The following VWA3B variants were observed in gnomAD, a reference collection of about 807,000 sequenced individuals.
The protein encoded by VWA3B is von Willebrand factor A domain-containing protein 3B.
VWA3B carries 138 observed loss-of-function variants against 158.3 expected under a neutral mutation model. That is an observed-to-expected ratio of 0.87 (90% confidence interval 0.76 to 1.00). The LOEUF (loss-of-function observed/expected upper bound fraction) is 1.00. Ranked by LOEUF, VWA3B falls within the 50% of genes least tolerant of loss-of-function variation. VWA3B has a pLI of 0.00. For synonymous variants in VWA3B, 596 were observed against 587.3 expected (o/e 1.01, Z -0.21); for missense variants, 1,555 against 1,565.1 (o/e 0.99, Z 0.11).
chr2:98,165,275 C>T (rs141193707), intron 8 of VWA3B, among the ~76,000 whole-genome samples: 8 of 152,326 alleles, frequency 5.3e-5, no homozygotes, highest in East Asian at 1.9e-4. Flanking sequence ...GTATTATCTC[C>T]GTTTTGGCTT....
chr2:98,301,242 A>G (rs955978844), intron 25 of VWA3B, among the ~76,000 whole-genome samples: 1 of 151,368 alleles, frequency 6.6e-6, no homozygotes, highest in African/African-American at 2.4e-5. Context: ...GTGAGCCGAG[A>G]TCACACCACT....
downstream of VWA3B, among the ~76,000 whole-genome samples, chr2:98,313,496 A>G (rs1165350478): frequency 6.6e-6 from 1 of 152,196 alleles, no homozygotes; most frequent in Non-Finnish European, 1.5e-5. Context: ...GAAGGAAGGA[A>G]GGGTATGAGG....
At position 98,270,771 on chromosome 2, in the gene VWA3B, A is replaced by C. The variant is rs1688150672; in HGVS notation, c.2933A>C (p.Lys978Thr). 1.9e-6 allele frequency: 3 copies of C among 1,614,188 alleles called. No homozygotes were observed. In the Admixed American group the frequency reaches 5.0e-5, roughly 27 times the overall value. The change falls in exon 22 of 28, where the codon AAA becomes ACA. Residue 978 changes from lysine to threonine, a missense_variant. Lys to Thr is a moderately conservative substitution (Grantham distance 78). Coordinates refer to ENST00000477737, the MANE Select transcript of VWA3B (RefSeq NM_144992.5). ...CGGTTGAATTGGCCCATTTCACTGA[A>C]AGAGCTGTCGATGCTGGAAAGTGAA... ...LERLNWPISL[K>T]ELSMLESEIL...
At chr2:98,261,796 G>A (rs1272923908) in intron 21 of VWA3B, among the ~76,000 whole-genome samples, 2 of 151,518 alleles carry the variant, frequency 1.3e-5, no homozygotes, top group Non-Finnish European at 3.0e-5. Context: ...CCTTATTTAT[G>A]ACAAGTCACT....
chr2:98,253,228 T>C (rs1207006857), intron 20 of VWA3B, among the ~76,000 whole-genome samples: 1 of 152,078 alleles, frequency 6.6e-6, no homozygotes, highest in East Asian at 1.9e-4. Flanking sequence ...ACCACCCCCA[T>C]CCCCTATATA....
the VWA3B span, among the ~76,000 whole-genome samples, chr2:98,330,454 G>A: frequency 6.6e-6 from 1 of 152,142 alleles, no homozygotes; most frequent in African/African-American, 2.4e-5. Flanking sequence ...CTGTTTTGCT[G>A]TGACTGAGAT....
chr2:98,228,070 C>A, intron 14 of VWA3B, 132 bp from the exon 15 acceptor site: 1 of 1,007,768 alleles, frequency 9.9e-7, no homozygotes, highest in Non-Finnish European at 1.4e-6. Context: ...GAGAGGATCA[C>A]TTGAGCCCAG....
At position 98,256,785 on chromosome 2, in the gene VWA3B, A is replaced by G. The variant is rs533041603; in HGVS notation, c.2843+611A>G. Among the ~76,000 whole-genome samples, 5 of 152,216 alleles carry G rather than the reference A, an allele frequency of 3.3e-5. No homozygotes were observed. In the East Asian group the frequency reaches 9.6e-4, roughly 29 times the overall value. The stretch of plus-strand genomic sequence containing the variant: ...ACCAAACTGTTTTTCCACAGTGGCT[A>G]TGCCATTTTTAGAACATATCTATTT... On this transcript the variant is annotated intron_variant, in intron 21 of 27. Coordinates refer to ENST00000477737, the MANE Select transcript of VWA3B (RefSeq NM_144992.5).
intron 7 of VWA3B, among the ~76,000 whole-genome samples, chr2:98,135,383 T>C (rs1011165826): frequency 6.4e-5 from 8 of 125,558 alleles, no homozygotes; most frequent in African/African-American, 2.5e-4. Context: ...TCGCCCAGGC[T>C]GGAGTGCAGT....
chr2:98,157,501 C>G (rs1678185419), intron 7 of VWA3B, among the ~76,000 whole-genome samples: 1 of 152,050 alleles, frequency 6.6e-6, no homozygotes, highest in Non-Finnish European at 1.5e-5. Flanking sequence ...GCTTTCATTC[C>G]CTTTATGGAT....
At chr2:98,288,894 A>G (rs1689326027) in intron 22 of VWA3B, among the ~76,000 whole-genome samples, 1 of 152,004 alleles carries the variant, frequency 6.6e-6, no homozygotes, top group Non-Finnish European at 1.5e-5. Flanking sequence ...TTTCATTCCA[A>G]CCTTTCAAGA....
chr2:98,132,940 C>T (rs970356209), intron 6 of VWA3B, among the ~76,000 whole-genome samples: 5 of 152,182 alleles, frequency 3.3e-5, no homozygotes, highest in African/African-American at 9.7e-5. Context: ...CCATCCTGAG[C>T]GGTGCTTGGG....
intron 7 of VWA3B, among the ~76,000 whole-genome samples, chr2:98,155,010 A>T (rs1388414308): frequency 6.6e-6 from 1 of 152,230 alleles, no homozygotes; most frequent in African/African-American, 2.4e-5. Context: ...GAGTGGTTAC[A>T]AAAACAGATA....
chr2:98,265,509 T>A (rs1687758440), intron 21 of VWA3B, among the ~76,000 whole-genome samples: 1 of 152,094 alleles, frequency 6.6e-6, no homozygotes, highest in Admixed American at 6.5e-5. Context: ...AACATACGTG[T>A]GCGTGTGTCT....
At chr2:98,157,186 A>G (rs1702188541) in intron 7 of VWA3B, among the ~76,000 whole-genome samples, 1 of 152,216 alleles carries the variant, frequency 6.6e-6, no homozygotes, top group African/African-American at 2.4e-5. Context: ...CATTCTTCAT[A>G]TTGAAATTGC....
intron 22 of VWA3B, among the ~76,000 whole-genome samples, chr2:98,280,536 T>C (rs889850424): frequency 1.3e-5 from 2 of 152,210 alleles, no homozygotes; most frequent in Non-Finnish European, 2.9e-5. Context: ...TGGAAGTGTT[T>C]CTTGTGCCTC....
At chr2:98,159,861 A>G (rs1678417989) in intron 7 of VWA3B, among the ~76,000 whole-genome samples, 1 of 151,916 alleles carries the variant, frequency 6.6e-6, no homozygotes, top group South Asian at 2.1e-4. Flanking sequence ...CTACTAAAAA[A>G]ATACAAAAAT....
chr2:98,224,772 C>T (rs1389662410), intron 14 of VWA3B, among the ~76,000 whole-genome samples: 2 of 145,812 alleles, frequency 1.4e-5, no homozygotes, highest in Non-Finnish European at 3.0e-5. Context: ...AAAAAGAACA[C>T]AACCAAACTA....
Position 98,181,098 on chromosome 2 carries a change from G to C in VWA3B, c.1197G>C (p.Leu399Phe). The change falls in exon 9 of 28, where the codon TTG becomes TTC. Residue 399 changes from leucine to phenylalanine, a missense_variant. Leu to Phe is a conservative substitution (Grantham distance 22, BLOSUM62 0). Transcript: ENST00000477737. Reference sequence around the variant, plus strand: ...AGACATGGCTGCAGAAATATGGCTTGAAGGCCCAGAAGCTATCCTTGTATG... The same window carrying C: ...AGACATGGCTGCAGAAATATGGCTTCAAGGCCCAGAAGCTATCCTTGTATG... ...DSKTWLQKYG[L>F]KAQKLSLYDV... 6.2e-7 allele frequency: 1 copy of C among 1,600,832 alleles called. No homozygotes were observed. The highest frequency in any genetic ancestry group is 8.5e-7 in the Non-Finnish European group (1 of 1,175,614).
Sources: allele counts gnomAD v4.1 joint callset (sites outside exome capture counted in the v4.1 genomes callset), GRCh38; gene constraint gnomAD v4.1.1; transcripts MANE v1.5; gene names NCBI Gene and HGNC (gene_info 2026-07-23, HGNC 2026-07-21).